ZNF202: variants seen among roughly 807,000 people sequenced by gnomAD.
The protein encoded by ZNF202 is zinc finger protein with KRAB and SCAN domains 10.
A neutral mutation model predicts 54.5 loss-of-function variants in ZNF202; 22 were observed. That is an observed-to-expected ratio of 0.40 (90% CI 0.29 to 0.58). The LOEUF (loss-of-function observed/expected upper bound fraction) is 0.58. Ranked by LOEUF, ZNF202 falls within the 20% of genes least tolerant of loss-of-function variation. The pLI is 0.39. For synonymous variants in ZNF202, 294 were observed against 301.4 expected (o/e 0.98, Z 0.26); for missense variants, 644 against 805.5 (o/e 0.80, Z 2.43).
At position 123,740,480 on chromosome 11, in the gene ZNF202, T is replaced by C. The variant is rs1861814465; in HGVS notation, c.-237A>G. 1 of 152,280 alleles carries C rather than the reference T, an allele frequency of 6.6e-6. No individual in the cohort carries two copies. The highest frequency in any genetic ancestry group is 2.4e-5 in the African/African-American group (1 of 41,446). 9.4% of individuals were successfully genotyped at this position (152,280 alleles called of 1,614,324 possible). A position where few individuals can be genotyped will look rare whatever the true frequency, so the allele number is the denominator to read the frequency against. The stretch of plus-strand genomic sequence containing the variant: ...AGCTTGGAAGAGAAGCTGGGAGGGA[T>C]GAGGGGCTCCACTAGCATTCCTTGT... On this transcript the variant is annotated 5_prime_UTR_variant, in exon 2 of 9. Coordinates refer to ENST00000530393, the MANE Select transcript of ZNF202 (RefSeq NM_003455.4).
At chr11:123,739,727 G>A (rs1861783576) in intron 3 of ZNF202, among the ~76,000 whole-genome samples, 2 of 152,184 alleles carry the variant, frequency 1.3e-5, no homozygotes, top group South Asian at 4.1e-4. Flanking sequence ...TCAAACAAAG[G>A]TATTCTGAAC....
At chr11:123,728,408 G>T in intron 6 of ZNF202, 146 bp from the exon 7 acceptor site, 1 of 1,075,678 alleles carries the variant, frequency 9.3e-7, no homozygotes, top group Non-Finnish European at 1.2e-6. Context: ...TCTCGGGGGA[G>T]CCATGTGTCC....
chr11:123,740,913 T>A (rs1322217240), intron 1 of ZNF202, among the ~76,000 whole-genome samples: 2 of 147,140 alleles, frequency 1.4e-5, no homozygotes, highest in East Asian at 3.9e-4. Flanking sequence ...AAGTTGCAAG[T>A]GGAGACAGCA....
chr11:123,732,701 G>A (rs1417185100), intron 3 of ZNF202, among the ~76,000 whole-genome samples: 1 of 152,068 alleles, frequency 6.6e-6, no homozygotes, highest in Non-Finnish European at 1.5e-5. Context: ...TGAGGTCAGA[G>A]ACTATTTTCC....
Position 123,726,342 on chromosome 11 carries a change from G to T in ZNF202, c.1602C>A (p.Gly534=). The T allele has an allele frequency of 1.2e-6, 2 of 1,614,238 alleles. No individual in the cohort carries two copies. Among genetic ancestry groups the T allele is most frequent in the Non-Finnish European group, 1.7e-6 (2 of 1,180,048 alleles). ...LTTHQRIHLG[G]KPYLCGECGE... ...CACACTCTCCACACAAGTAGGGTTT[G>T]CCTCCCAGGTGGATTCTTTGGTGTG... The change falls in exon 9 of 9, where the codon GGC becomes GGA. Residue 534 remains glycine (G), a synonymous_variant. Transcript: ENST00000530393. This position sits in a 1 kb window ranked among gnomAD's most constrained non-coding sequence, Gnocchi z 6.0.
intron 3 of ZNF202, chr11:123,739,648 G>A (rs550641305): frequency 6.6e-6 from 1 of 152,242 alleles, no homozygotes; most frequent in East Asian, 1.9e-4. Context: ...TTAATTTTGC[G>A]AACAAAATAT....
intron 3 of ZNF202, among the ~76,000 whole-genome samples, chr11:123,739,805 G>T (rs539210509): frequency 6.6e-6 from 1 of 152,154 alleles, no homozygotes; most frequent in Non-Finnish European, 1.5e-5. Context: ...GAAGAACCCA[G>T]ATCTGCAGCA....
chr11:123,729,932 G>T (rs1299499458), intron 4 of ZNF202, 107 bp from the exon 5 acceptor site: 2 of 1,181,832 alleles, frequency 1.7e-6, no homozygotes, highest in East Asian at 2.5e-5. Context: ...CTCCCAGAGG[G>T]ACCCAGACAA....
In ZNF202 at chr11:123,727,457, C is replaced by T. The variant is rs1044592694; in HGVS notation, c.952+19G>A. On this transcript the variant is annotated intron_variant, in intron 8 of 8. Transcript: ENST00000530393. ...ACTGCTGGCTCAGGGTGGGTAACAC[C>T]GTTTTTGTCATTCCTCACCTGTGTA... The T allele has an allele frequency of 5.0e-6, 8 of 1,613,154 alleles. No homozygotes were observed. Among genetic ancestry groups the T allele is most frequent in the South Asian group, 3.3e-5 (3 of 91,038 alleles).
rs764086257 is a variant in ZNF202 at position 123,730,938 on chromosome 11, A to T, written c.-50T>A. The T allele has an allele frequency of 4.5e-6, 7 of 1,564,350 alleles. No homozygotes were observed. The highest frequency in any genetic ancestry group is 6.1e-6 in the Non-Finnish European group (7 of 1,154,754). ...ACCATCTAGAGCTCACACTGTCATT[A>T]GCCCCCCGCCTCAGCCTGGACACAG... On this transcript the variant is annotated 5_prime_UTR_variant, in exon 4 of 9. Coordinates refer to ENST00000530393, the MANE Select transcript of ZNF202 (RefSeq NM_003455.4). The surrounding 1 kb of genome is among the most constrained non-coding windows in gnomAD (Gnocchi z 6.0).
chr11:123,740,208 TAC>T lies in ZNF202; in HGVS notation c.-173-18_-173-17del, dbSNP rs1861804570. On this transcript the variant is annotated splice_polypyrimidine_tract_variant and intron_variant, in intron 2 of 8. Transcript: ENST00000530393. ...TGATTGTCTACTGCAATATAGTATA[TAC>T]ACAGAGTACAAAAAGGGTATAGCTG... 6.6e-6 allele frequency: 1 copy of T among 152,180 alleles called. No individual in the cohort carries two copies. The highest frequency in any genetic ancestry group is 2.1e-4 in the South Asian group (1 of 4,838). 9.4% of individuals were successfully genotyped at this position (152,180 alleles called of 1,614,324 possible).
In ZNF202 at chr11:123,726,465, A is replaced by G; in HGVS notation, c.1479T>C (p.Thr493=). ...CDDCGKHFRW[T]SDLVRHQRTH... ...TCCTCTGATGTCTGACAAGGTCTGA[A>G]GTCCAGCGGAAGTGCTTTCCGCAAT... Residue 493 remains threonine (T), a synonymous_variant, in exon 9 of 9, where the codon ACT becomes ACC. Coordinates refer to ENST00000530393, the MANE Select transcript of ZNF202 (RefSeq NM_003455.4). The surrounding 1 kb of genome is among the most constrained non-coding windows in gnomAD (Gnocchi z 6.0). The G allele has an allele frequency of 6.2e-7, 1 of 1,614,260 alleles. No homozygotes were observed. The highest frequency in any genetic ancestry group is 2.2e-5 in the East Asian group (1 of 44,892).
intron 6 of ZNF202, 40 bp from the exon 7 acceptor site, chr11:123,728,302 G>T: frequency 6.4e-7 from 1 of 1,572,832 alleles, no homozygotes; most frequent in South Asian, 1.1e-5. Flanking sequence ...GTGATGCTAC[G>T]GGTAGCCTCG....
rs1193835568 is a variant in ZNF202 at position 123,725,023 on chromosome 11, T to C, written c.*974A>G. 6.6e-6 allele frequency: 1 copy of C among 152,238 alleles called. No individual in the cohort carries two copies. Among genetic ancestry groups the C allele is most frequent in the Non-Finnish European group, 1.5e-5 (1 of 68,046 alleles). 9.4% of individuals were successfully genotyped at this position (152,238 alleles called of 1,614,324 possible). A position where few individuals can be genotyped will look rare whatever the true frequency, so the allele number is the denominator to read the frequency against. On this transcript the variant is annotated 3_prime_UTR_variant, in exon 9 of 9. Transcript: ENST00000530393. ...GTAATTGTTATAGTGCCTTTGTAAGTTGACAGTTTCCAAATCCCCTTACTC... is the reference window on the plus strand; with the variant it reads ...GTAATTGTTATAGTGCCTTTGTAAGCTGACAGTTTCCAAATCCCCTTACTC...
intron 5 of ZNF202, 98 bp downstream of exon 5, chr11:123,729,517 T>C: frequency 7.4e-7 from 1 of 1,348,642 alleles, no homozygotes; most frequent in East Asian, 2.5e-5. Context: ...ATACAGTCTA[T>C]CTACCCAGCT....
intron 3 of ZNF202, among the ~76,000 whole-genome samples, chr11:123,731,495 A>T (rs1861404913): frequency 1.3e-5 from 2 of 152,232 alleles, no homozygotes. Context: ...TGCTACTTGC[A>T]GTTCGAATGT....
intron 3 of ZNF202, among the ~76,000 whole-genome samples, chr11:123,732,503 AAACTT>A (rs1442566538): frequency 6.6e-6 from 1 of 152,142 alleles, no homozygotes; most frequent in Admixed American, 6.5e-5. Context: ...TGGTTAGGTT[AAACTT>A]TAAATTTTTC....
Position 123,726,941 on chromosome 11 carries a change from A to C in ZNF202, c.1003T>G (p.Leu335Val). 6.2e-7 allele frequency: 1 copy of C among 1,613,904 alleles called. No homozygotes were observed. Among genetic ancestry groups the C allele is most frequent in the Non-Finnish European group, 8.5e-7 (1 of 1,180,022 alleles). The change falls in exon 9 of 9, where the codon TTG (leucine) becomes GTG (valine). Residue 335 changes from leucine (L) to valine (V), a missense_variant. By Grantham distance (32) the Leu-to-Val change is conservative. Transcript: ENST00000530393. This position sits in a 1 kb window ranked among gnomAD's most constrained non-coding sequence, Gnocchi z 6.0. The part of the protein sequence containing the change: ...EECLEQEDLS[L>V]EDIHRPVLGE... ...AAAACAGGCCTGTGTATATCCTCCA[A>C]ACTCAGATCTTCCTGCTCCAGACAC...
chr11:123,727,000 AGGGTG>A lies in ZNF202; in HGVS notation c.953-14_953-10del, dbSNP rs1255744600. 3 of 1,598,574 alleles carry A rather than the reference AGGGTG, an allele frequency of 1.9e-6. No individual in the cohort carries two copies. Among genetic ancestry groups the A allele is most frequent in the African/African-American group, 1.3e-5 (1 of 74,398 alleles). ...ATCTTTACTCCTATCTCCTGTAGAA[AGGGTG>A]AGAGGAAAAAGGGGGTCACTGTAGC... On this transcript the variant is annotated splice_polypyrimidine_tract_variant and intron_variant, in intron 8 of 8. Transcript: ENST00000530393. The surrounding 1 kb of genome is among the most constrained non-coding windows in gnomAD (Gnocchi z 6.0).
Sources: gnomAD v4.1 joint callset for allele counts (sites outside exome capture counted in the v4.1 genomes callset) on GRCh38, gnomAD v4.1.1 for gene constraint, Gnocchi (gnomAD v3.1) non-coding constraint, MANE v1.5 for transcripts, NCBI Gene and HGNC (gene_info 2026-07-23, HGNC 2026-07-21) for gene names.